The following NRF1 variants were observed in gnomAD, a reference collection of about 807,000 sequenced individuals.
NRF1 encodes alpha palindromic-binding protein.
In NRF1, 5 loss-of-function variants were observed where a neutral mutation model predicts 58.5. The ratio of observed to expected loss-of-function variants is 0.09; its 90% CI spans 0.04 to 0.18. The LOEUF (loss-of-function observed/expected upper bound fraction) is 0.18, where lower values mean the gene tolerates loss of function less well. Among genes scored for constraint, NRF1 ranks in the 10% least tolerant of loss-of-function variants. NRF1 has a pLI of 1.00. For missense variants in NRF1, 288 were observed against 657.7 expected, an observed-to-expected ratio of 0.44 and a Z score of 6.15; for synonymous variants, 224 against 246.7, an observed-to-expected ratio of 0.91 and a Z score of 0.86.
intron 1 of NRF1, among the ~76,000 whole-genome samples, chr7:129,634,043 G>A (rs4256540): frequency 0.2 from 20,201 of 102,404 alleles, 1,774 homozygotes; most frequent in Admixed American, 0.25. Context: ...AAAAAAAAAA[G>A]ATATATATAT....
chr7:129,723,160 C>T (rs539066252), intron 9 of NRF1, among the ~76,000 whole-genome samples: 25 of 151,698 alleles, frequency 1.6e-4, no homozygotes, highest in South Asian at 4.2e-4. Context: ...ATAAAATTTC[C>T]AGGCCGGGTG....
At chr7:129,686,785 T>C (rs1396329842) in intron 4 of NRF1, among the ~76,000 whole-genome samples, 1 of 152,244 alleles carries the variant, frequency 6.6e-6, no homozygotes. Flanking sequence ...GTGCAACCAA[T>C]TGACATGTTG....
Position 129,671,487 on chromosome 7 carries a change from T to C in NRF1, c.282T>C (p.Pro94=). The change falls in exon 3 of 11, where the codon CCT becomes CCC. Residue 94 remains proline, a synonymous_variant. Coordinates refer to ENST00000393232, the MANE Select transcript of NRF1 (RefSeq NM_005011.5). The stretch of plus-strand genomic sequence containing the variant: ...CAACAGGAAAGAAACGGAAACGGCC[T>C]CATGTATTTGAGTCTAATCCATCTA... The part of the protein sequence containing the change: ...AVATGKKRKR[P]HVFESNPSIR... 6.2e-7 allele frequency: 1 copy of C among 1,614,106 alleles called. No homozygotes were observed. The highest frequency in any genetic ancestry group is 1.3e-5 in the African/African-American group (1 of 75,044).
At chr7:129,732,379 G>C (rs1350599705) in intron 10 of NRF1, among the ~76,000 whole-genome samples, 1 of 152,228 alleles carries the variant, frequency 6.6e-6, no homozygotes, top group Non-Finnish European at 1.5e-5. Context: ...TGGTGCAAAA[G>C]TAATTGTGGG....
chr7:129,666,867 T>C (rs923397424), intron 2 of NRF1, among the ~76,000 whole-genome samples: 6 of 152,214 alleles, frequency 3.9e-5, no homozygotes, highest in African/African-American at 9.7e-5. Context: ...TCAGGTTGTT[T>C]GTAATTTTTT....
Position 129,709,180 on chromosome 7 carries a change from A to G in NRF1, c.712A>G (p.Ile238Val), listed in dbSNP as rs1475729541. 1.3e-6 allele frequency: 2 copies of G among 1,587,852 alleles called. No homozygotes were observed. The highest frequency in any genetic ancestry group is 1.7e-6 in the Non-Finnish European group (2 of 1,165,510). ...CAAGCCCATCTGGTGGCCTGAAGAT[A>G]TCCCCTGGGCAAATGTCCGGAGTGA... Reference protein sequence around the residue: ...SCKPIWWPEDIPWANVRSDVR... With the variant: ...SCKPIWWPEDVPWANVRSDVR... Residue 238 changes from isoleucine (I) to valine (V), a missense_variant, in exon 6 of 11, where the codon ATC (isoleucine) becomes GTC (valine). Physicochemically the swap from Ile to Val is conservative, Grantham distance 29. Around this residue, in one of 3 missense-constraint regions of NRF1, gnomAD observed 212 missense variants for 559.7 expected, o/e 0.38. Transcript: ENST00000393232.
At chr7:129,740,093 CCT>C (rs1803812389) in intron 10 of NRF1, among the ~76,000 whole-genome samples, 2 of 152,136 alleles carry the variant, frequency 1.3e-5, no homozygotes, top group Non-Finnish European at 2.9e-5. Context: ...GTGTCCTCCT[CCT>C]CTGTCTTCAT....
At chr7:129,742,362 A>T (rs914495950) in intron 10 of NRF1, among the ~76,000 whole-genome samples, 1 of 151,978 alleles carries the variant, frequency 6.6e-6, no homozygotes, top group African/African-American at 2.4e-5. Flanking sequence ...AAATATGGAA[A>T]CCGAGACACT....
At position 129,754,997 on chromosome 7, in the gene NRF1, GTCTTC is replaced by G; in HGVS notation, c.1349-16_1349-12del. On this transcript the variant is annotated splice_polypyrimidine_tract_variant and intron_variant, in intron 10 of 10. Coordinates refer to ENST00000393232, the MANE Select transcript of NRF1 (RefSeq NM_005011.5). ...AACTTGAGCCTGAGCCCCACCAACG[GTCTTC>G]TCTTTGTCTCTCCAGGCCTGGTCCA... 1 of 1,565,310 alleles carries G rather than the reference GTCTTC, an allele frequency of 6.4e-7. No homozygotes were observed. The highest frequency in any genetic ancestry group is 8.6e-7 in the Non-Finnish European group (1 of 1,156,284).
intron 5 of NRF1, among the ~76,000 whole-genome samples, chr7:129,704,343 A>G: frequency 6.6e-6 from 1 of 152,062 alleles, no homozygotes; most frequent in East Asian, 1.9e-4. Flanking sequence ...TCCTTGAAAA[A>G]CTAATGATGA....
intron 4 of NRF1, among the ~76,000 whole-genome samples, chr7:129,688,752 C>T (rs1190221940): frequency 6.6e-6 from 1 of 152,030 alleles, no homozygotes; most frequent in African/African-American, 2.4e-5. Flanking sequence ...CTGCCAAACA[C>T]TTTTAAACCA....
intron 1 of NRF1, among the ~76,000 whole-genome samples, chr7:129,654,203 G>A (rs1195993601): frequency 6.6e-6 from 1 of 152,174 alleles, no homozygotes; most frequent in Non-Finnish European, 1.5e-5. Context: ...GTTTTAATTT[G>A]TAATTCTCCC....
At chr7:129,710,094 A>G (rs1212480966) in intron 6 of NRF1, among the ~76,000 whole-genome samples, 1 of 152,112 alleles carries the variant, frequency 6.6e-6, no homozygotes, top group East Asian at 1.9e-4. Flanking sequence ...TCTTGATCAG[A>G]ATAATCTTTC....
chr7:129,722,832 G>C (rs997725982), intron 9 of NRF1, among the ~76,000 whole-genome samples: 2 of 152,144 alleles, frequency 1.3e-5, no homozygotes, highest in African/African-American at 4.8e-5. Flanking sequence ...GGATGTACAG[G>C]AGTGGCAGGA....
At chr7:129,701,668 T>C (rs190096129) in intron 5 of NRF1, among the ~76,000 whole-genome samples, 1 of 152,160 alleles carries the variant, frequency 6.6e-6, no homozygotes, top group Admixed American at 6.5e-5. Context: ...ATGGGTATTG[T>C]CTGGTACTCT....
intron 1 of NRF1, among the ~76,000 whole-genome samples, chr7:129,637,335 G>A (rs1801189050): frequency 6.6e-6 from 1 of 152,054 alleles, no homozygotes; most frequent in Non-Finnish European, 1.5e-5. Flanking sequence ...AGGACACTGG[G>A]CAGCTTGGAA....
At chr7:129,628,104 C>A (rs192805484) in intron 1 of NRF1, among the ~76,000 whole-genome samples, 1,352 of 126,952 alleles carry the variant, frequency 0.011, 7 homozygotes, top group Middle Eastern at 0.014. Flanking sequence ...AGTGCAGTGG[C>A]ATGATCTTGG....
chr7:129,713,238 G>A (rs372627805), intron 8 of NRF1, among the ~76,000 whole-genome samples: 2 of 151,530 alleles, frequency 1.3e-5, no homozygotes, highest in African/African-American at 4.9e-5. Flanking sequence ...CACCAGGCAC[G>A]CACCACCATG....
chr7:129,735,506 G>A (rs1803686469), intron 10 of NRF1, among the ~76,000 whole-genome samples: 2 of 152,064 alleles, frequency 1.3e-5, no homozygotes, highest in Admixed American at 6.5e-5. Flanking sequence ...CTCCAGCCAG[G>A]CTGACAGAGT....
Sources: gnomAD v4.1 joint callset for allele counts (sites outside exome capture counted in the v4.1 genomes callset) on GRCh38, gnomAD v4.1.1 for gene constraint, gnomAD v4.1.1 regional missense constraint, MANE v1.5 for transcripts, NCBI Gene and HGNC (gene_info 2026-07-23, HGNC 2026-07-21) for gene names.